NCKAP5: variants seen among roughly 807,000 people sequenced by gnomAD.
The protein encoded by NCKAP5 is nck-associated protein 5.
A neutral mutation model predicts 167.0 loss-of-function variants in NCKAP5; 92 were observed. That is an observed-to-expected ratio of 0.55 (90% CI 0.47 to 0.66). NCKAP5 has a LOEUF of 0.66. NCKAP5 is among the 30% of genes least tolerant of loss of function. The probability of loss-of-function intolerance (pLI) is 0.00; values close to 1 mark genes in which losing one functional copy is unlikely to be tolerated. For missense variants in NCKAP5, 2,378 were observed against 2,315.0 expected (o/e 1.03, Z -0.56); for synonymous variants, 891 against 877.4 (o/e 1.02, Z -0.27).
At chr2:132,798,462 T>C (rs1684777545) in intron 11 of NCKAP5, among the ~76,000 whole-genome samples, 1 of 152,194 alleles carries the variant, frequency 6.6e-6, no homozygotes, top group South Asian at 2.1e-4. Context: ...CAAGAAGTTA[T>C]GGGAAATGAC....
At chr2:133,096,851 T>C (rs758738907) in intron 6 of NCKAP5, among the ~76,000 whole-genome samples, 12 of 152,312 alleles carry the variant, frequency 7.9e-5, no homozygotes, top group Non-Finnish European at 1.3e-4. Context: ...GGTGCCAATA[T>C]TGTGATAACT....
intron 4 of NCKAP5, among the ~76,000 whole-genome samples, chr2:133,252,275 T>C (rs761608968): frequency 3.9e-5 from 6 of 152,096 alleles, no homozygotes; most frequent in Non-Finnish European, 7.4e-5. Context: ...AGAAGAGCTA[T>C]AAAATCACTT....
intron 3 of NCKAP5, among the ~76,000 whole-genome samples, chr2:133,311,068 G>A (rs1345605747): frequency 6.6e-6 from 1 of 152,088 alleles, no homozygotes; most frequent in Non-Finnish European, 1.5e-5. Flanking sequence ...ATTCTGACAC[G>A]ATCTACCTGG....
At chr2:132,800,979 C>T (rs1335400009) in intron 11 of NCKAP5, among the ~76,000 whole-genome samples, 1 of 152,190 alleles carries the variant, frequency 6.6e-6, no homozygotes, top group East Asian at 1.9e-4. Flanking sequence ...CCTGCATTTC[C>T]CAGCCTCCTT....
At chr2:132,725,249 T>C (rs1690332064) in intron 19 of NCKAP5, among the ~76,000 whole-genome samples, 1 of 152,224 alleles carries the variant, frequency 6.6e-6, no homozygotes. Flanking sequence ...CTACACAGCA[T>C]GACGTTAGCA....
chr2:133,324,007 T>G (rs1312043066), intron 3 of NCKAP5, among the ~76,000 whole-genome samples: 1 of 152,234 alleles, frequency 6.6e-6, no homozygotes, highest in Non-Finnish European at 1.5e-5. Context: ...AGTTAGACTC[T>G]GAGCTCCAGA....
In NCKAP5 at chr2:133,227,625, C is replaced by T. The variant is rs146631982; in HGVS notation, c.144-13846G>A. On this transcript the variant is annotated intron_variant, in intron 4 of 19. Transcript: ENST00000409261. ...TTACTGACTTTTATAAACCATTCAA[C>T]TAAATAGCCTTCTCTAAAGCATTTG... Among the ~76,000 whole-genome samples, 12 of 152,304 alleles carry T rather than the reference C, an allele frequency of 7.9e-5. No homozygotes were observed. The East Asian group carries it at 2.3e-3, about 29-fold the overall frequency.
chr2:133,009,863 T>A (rs185501012), intron 6 of NCKAP5, among the ~76,000 whole-genome samples: 2,084 of 149,566 alleles, frequency 0.014, 19 homozygotes, highest in Middle Eastern at 0.024. Flanking sequence ...AGGTCAGGAG[T>A]TCGAGACCAT....
At chr2:133,095,130 T>C (rs2081305952) in intron 6 of NCKAP5, among the ~76,000 whole-genome samples, 1 of 152,186 alleles carries the variant, frequency 6.6e-6, no homozygotes, top group Non-Finnish European at 1.5e-5. Flanking sequence ...TGTGAGATCA[T>C]AAACAGGTAT....
At chr2:133,136,821 G>A (rs530291976) in intron 5 of NCKAP5, among the ~76,000 whole-genome samples, 2 of 152,148 alleles carry the variant, frequency 1.3e-5, no homozygotes, top group Admixed American at 6.5e-5. Context: ...ACTAGAAAAC[G>A]TGCCCAGTCA....
chr2:133,462,355 T>C (rs1226893224), intron 3 of NCKAP5, among the ~76,000 whole-genome samples: 1 of 152,224 alleles, frequency 6.6e-6, no homozygotes, highest in Non-Finnish European at 1.5e-5. Flanking sequence ...TCTAAATTCC[T>C]GTTGTTACTA....
intron 3 of NCKAP5, among the ~76,000 whole-genome samples, chr2:133,489,162 TTTTA>T (rs144987693): frequency 0.016 from 2,385 of 152,246 alleles, 32 homozygotes; most frequent in Middle Eastern, 0.051. Flanking sequence ...AGATAAGATG[TTTTA>T]TTTGGTTCTT....
intron 3 of NCKAP5, among the ~76,000 whole-genome samples, chr2:133,335,809 ATT>A (rs1256051537): frequency 6.6e-6 from 1 of 152,150 alleles, no homozygotes; most frequent in East Asian, 1.9e-4. Context: ...TAGAACTGAT[ATT>A]TTATTTTCTA....
chr2:132,836,124 T>C (rs568578475), intron 11 of NCKAP5, among the ~76,000 whole-genome samples: 4 of 152,200 alleles, frequency 2.6e-5, no homozygotes, highest in Non-Finnish European at 5.9e-5. Context: ...TTTTACAATT[T>C]TCTGCTGCTC....
At chr2:133,276,931 A>G (rs1335403988) in intron 4 of NCKAP5, among the ~76,000 whole-genome samples, 2 of 152,156 alleles carry the variant, frequency 1.3e-5, no homozygotes, top group African/African-American at 2.4e-5. Flanking sequence ...TAAAGGAAAA[A>G]AATTACAAGA....
chr2:132,850,165 T>C (rs535193251), intron 11 of NCKAP5, among the ~76,000 whole-genome samples: 3 of 152,194 alleles, frequency 2.0e-5, no homozygotes, highest in Non-Finnish European at 2.9e-5. Context: ...ATTAGATCCA[T>C]GTCCTTATTC....
intron 8 of NCKAP5, among the ~76,000 whole-genome samples, chr2:132,938,915 C>T (rs1697058048): frequency 4.6e-5 from 7 of 152,040 alleles, no homozygotes; most frequent in Admixed American, 4.6e-4. Flanking sequence ...CCTCTCACTT[C>T]CAAGTACAGC....
intron 5 of NCKAP5, among the ~76,000 whole-genome samples, chr2:133,140,421 G>A (rs992914880): frequency 6.6e-6 from 1 of 152,104 alleles, no homozygotes; most frequent in African/African-American, 2.4e-5. Context: ...TGAACAACAA[G>A]TGAATTCTCT....
intron 3 of NCKAP5, among the ~76,000 whole-genome samples, chr2:133,437,501 T>C (rs1325439615): frequency 1.3e-5 from 2 of 152,186 alleles, no homozygotes; most frequent in African/African-American, 4.8e-5. Flanking sequence ...AAAAACGTGA[T>C]TTTAGAGAGT....
Sources: allele counts gnomAD v4.1 joint callset (sites outside exome capture counted in the v4.1 genomes callset), GRCh38; gene constraint gnomAD v4.1.1; transcripts MANE v1.5; gene names NCBI Gene and HGNC (gene_info 2026-07-23, HGNC 2026-07-21).